MARCHF1: variants seen among roughly 807,000 people sequenced by gnomAD.
The protein encoded by MARCHF1 is membrane associated ring-CH-type finger 1.
In MARCHF1, 40 loss-of-function variants were observed where a neutral mutation model predicts 54.2. That is an observed-to-expected ratio of 0.74 (90% CI 0.57 to 0.96). The LOEUF (loss-of-function observed/expected upper bound fraction) is 0.96, where lower values mean the gene tolerates loss of function less well. Among genes scored for constraint, MARCHF1 ranks in the 40% least tolerant of loss-of-function variants. The probability of loss-of-function intolerance (pLI) is 0.00; values close to 1 mark genes in which losing one functional copy is unlikely to be tolerated. For missense variants in MARCHF1, 586 were observed against 656.5 expected (o/e 0.89, Z 1.17); for synonymous variants, 236 against 236.3 (o/e 1.00, Z 0.01).
intron 5 of MARCHF1, among the ~76,000 whole-genome samples, chr4:163,642,065 T>C (rs907428002): frequency 1.3e-5 from 2 of 152,190 alleles, no homozygotes; most frequent in Non-Finnish European, 2.9e-5. Context: ...TTAGGCAAAA[T>C]TCCTGATCTC....
intron 1 of MARCHF1, among the ~76,000 whole-genome samples, chr4:164,190,595 G>A (rs1731099229): frequency 6.6e-6 from 1 of 152,128 alleles, no homozygotes; most frequent in South Asian, 2.1e-4. Flanking sequence ...CCTTCAAAAT[G>A]TTCTATTTAA....
chr4:164,087,358 T>G (rs1361182949), intron 2 of MARCHF1, among the ~76,000 whole-genome samples: 2 of 152,136 alleles, frequency 1.3e-5, no homozygotes, highest in Non-Finnish European at 2.9e-5. Context: ...AAAGTGATAT[T>G]GAATAAATCA....
rs114039066 is a variant in MARCHF1, at chr4:164,023,706, C to T, written c.-247-34997G>A. Among the ~76,000 whole-genome samples the T allele has an allele frequency of 8.1e-3, 1,227 of 152,236 alleles. 17 individuals are homozygous for T. Among genetic ancestry groups the T allele is most frequent in the African/African-American group, 0.028 (1,174 of 41,536 alleles). On this transcript the variant is annotated intron_variant, in intron 2 of 9. Coordinates refer to ENST00000514618, the MANE Select transcript of MARCHF1 (RefSeq NM_001394959.1). ...ATCCCCTTACCTTCAAATGAGCCCACTAGCTTCCCAGCAGTAGTTCTTAAA... is the reference window on the plus strand; with the variant it reads ...ATCCCCTTACCTTCAAATGAGCCCATTAGCTTCCCAGCAGTAGTTCTTAAA...
At chr4:164,202,801 T>G (rs1250267094) in intron 1 of MARCHF1, among the ~76,000 whole-genome samples, 3 of 152,206 alleles carry the variant, frequency 2.0e-5, no homozygotes, top group Non-Finnish European at 4.4e-5. Flanking sequence ...AAAAGCATCC[T>G]TCAAGATACT....
chr4:163,980,373 G>T (rs1752737688), intron 3 of MARCHF1, among the ~76,000 whole-genome samples: 1 of 140,408 alleles, frequency 7.1e-6, no homozygotes. Context: ...AATTCAAGAT[G>T]GATTAAAGAT....
At chr4:164,258,242 T>C (rs1055795215) in intron 1 of MARCHF1, among the ~76,000 whole-genome samples, 1 of 152,088 alleles carries the variant, frequency 6.6e-6, no homozygotes, top group East Asian at 1.9e-4. Flanking sequence ...ACACAGGGCC[T>C]GTAGCAGGGT....
intron 4 of MARCHF1, among the ~76,000 whole-genome samples, chr4:163,803,715 T>G (rs1445093360): frequency 6.6e-6 from 1 of 152,162 alleles, no homozygotes; most frequent in East Asian, 1.9e-4. Context: ...TTTTGCATCT[T>G]TTGATTTCAA....
chr4:164,025,171 T>C (rs1347901248), intron 2 of MARCHF1, among the ~76,000 whole-genome samples: 1 of 151,854 alleles, frequency 6.6e-6, no homozygotes, highest in African/African-American at 2.4e-5. Flanking sequence ...ACTGATAGCA[T>C]TACACAGATC....
intron 4 of MARCHF1, among the ~76,000 whole-genome samples, chr4:163,851,785 G>A (rs781646903): frequency 6.6e-6 from 1 of 152,240 alleles, no homozygotes; most frequent in Non-Finnish European, 1.5e-5. Context: ...CTCCATAATG[G>A]CCCATGCTCG....
chr4:163,671,068 A>T lies in MARCHF1; in HGVS notation c.162+29745T>A, dbSNP rs372164435. ...TCCCTTGCATTTGACTGGATAGTTG[A>T]TGAAGGATGTAGCTCCTTGCCCAGT... On this transcript the variant is annotated intron_variant, in intron 5 of 9. Coordinates refer to ENST00000514618, the MANE Select transcript of MARCHF1 (RefSeq NM_001394959.1). Among the ~76,000 whole-genome samples, 7 of 152,194 alleles carry T rather than the reference A, an allele frequency of 4.6e-5. No homozygotes were observed. The East Asian group carries it at 7.7e-4, about 17-fold the overall frequency.
At chr4:164,087,213 C>G (rs2111124729) in intron 2 of MARCHF1, among the ~76,000 whole-genome samples, 1 of 152,064 alleles carries the variant, frequency 6.6e-6, no homozygotes, top group African/African-American at 2.4e-5. Context: ...GAGACAATAA[C>G]TATTCAAGCA....
In MARCHF1 at chr4:163,854,126, C is replaced by T. The variant is rs1354069721; in HGVS notation, c.6G>A (p.Leu2=). The change falls in exon 4 of 10, where the codon CTG becomes CTA. Residue 2 remains leucine, a synonymous_variant. Coordinates refer to ENST00000514618, the MANE Select transcript of MARCHF1 (RefSeq NM_001394959.1). The stretch of plus-strand genomic sequence containing the variant: ...TACGGGCTATCGCTTCACACCAGCC[C>T]AGCATTTTCTCCTTCCTCTTATCCC... M[L]GWCEAIARNP... The T allele has an allele frequency of 3.3e-6, 5 of 1,534,394 alleles. No individual in the cohort carries two copies. Among genetic ancestry groups the T allele is most frequent in the Non-Finnish European group, 4.4e-6 (5 of 1,145,320 alleles).
intron 1 of MARCHF1, among the ~76,000 whole-genome samples, chr4:164,320,346 G>A (rs1156477537): frequency 6.6e-6 from 1 of 152,052 alleles, no homozygotes; most frequent in African/African-American, 2.4e-5. Flanking sequence ...TTAATGAGAG[G>A]GGAGCCCTTG....
chr4:163,585,033 C>T (rs1312077152), intron 8 of MARCHF1: 1 of 152,126 alleles, frequency 6.6e-6, no homozygotes, highest in East Asian at 1.9e-4. Context: ...GTATTGTTTA[C>T]AAGCTGTTCT....
At chr4:164,201,542 T>C (rs937892188) in intron 1 of MARCHF1, among the ~76,000 whole-genome samples, 1 of 152,096 alleles carries the variant, frequency 6.6e-6, no homozygotes, top group African/African-American at 2.4e-5. Flanking sequence ...TTACAATGAA[T>C]TTTAAGTAGG....
chr4:164,310,231 C>T (rs1463284136), intron 1 of MARCHF1, among the ~76,000 whole-genome samples: 1 of 151,986 alleles, frequency 6.6e-6, no homozygotes, highest in Non-Finnish European at 1.5e-5. Context: ...GTGCGCACCA[C>T]CACGCCCAGC....
At chr4:164,229,123 G>A (rs1732338756) in intron 1 of MARCHF1, among the ~76,000 whole-genome samples, 1 of 152,138 alleles carries the variant, frequency 6.6e-6, no homozygotes, top group Admixed American at 6.6e-5. Flanking sequence ...ATCAACGGAA[G>A]TATTACCTTG....
At chr4:164,230,480 T>A (rs1732386038) in intron 1 of MARCHF1, among the ~76,000 whole-genome samples, 1 of 151,716 alleles carries the variant, frequency 6.6e-6, no homozygotes, top group South Asian at 2.1e-4. Context: ...TATGTGATGA[T>A]CAAATCAGAG....
chr4:163,957,170 ATAT>A (rs5863643), intron 3 of MARCHF1, among the ~76,000 whole-genome samples: 79,661 of 151,458 alleles, frequency 0.53, 22,562 homozygotes, highest in Middle Eastern at 0.67. Flanking sequence ...TTCTTTGAAA[ATAT>A]TATAGCTACT....
Sources: allele counts gnomAD v4.1 joint callset (sites outside exome capture counted in the v4.1 genomes callset), GRCh38; gene constraint gnomAD v4.1.1; transcripts MANE v1.5; gene names NCBI Gene and HGNC (gene_info 2026-07-23, HGNC 2026-07-21).